GLIS3: variants seen among roughly 807,000 people sequenced by gnomAD.
GLIS3 encodes the protein GLIS family zinc finger 3.
In GLIS3, 53 loss-of-function variants were observed where a neutral mutation model predicts 78.6. The ratio of observed to expected loss-of-function variants is 0.67; its 90% CI spans 0.54 to 0.85. The LOEUF is 0.85. Among genes scored for constraint, GLIS3 ranks in the 40% least tolerant of loss-of-function variants. The probability of loss-of-function intolerance (pLI) is 0.00; values close to 1 mark genes in which losing one functional copy is unlikely to be tolerated. For missense variants in GLIS3, 1,703 were observed against 1,231.1 expected (o/e 1.38, Z -5.74); for synonymous variants, 684 against 509.9 (o/e 1.34, Z -4.60).
chr9:4,254,380 A>G (rs1418951054), intron 2 of GLIS3, among the ~76,000 whole-genome samples: 1 of 152,234 alleles, frequency 6.6e-6, no homozygotes, highest in East Asian at 1.9e-4. Context: ...GAATTTTTTA[A>G]AAGACTGAAT....
At position 4,292,180 on chromosome 9, in the gene GLIS3, A is replaced by G. The variant is rs191184495; in HGVS notation, c.-98-5657T>C. Among the ~76,000 whole-genome samples, 151 of 152,290 alleles carry G rather than the reference A, an allele frequency of 9.9e-4. 3 individuals carry two copies. The highest frequency in any genetic ancestry group is 1.9e-4 in the Non-Finnish European group (13 of 67,984). On this transcript the variant is annotated intron_variant, in intron 1 of 10. Transcript: ENST00000381971. Reference sequence around the variant, plus strand: ...ATTCATTTTAAAGTAGTGTTTTTCAAACTGGATTGCAATTCATTGGTGGTC... The same window carrying G: ...ATTCATTTTAAAGTAGTGTTTTTCAGACTGGATTGCAATTCATTGGTGGTC...
the GLIS3 span, among the ~76,000 whole-genome samples, chr9:4,435,841 T>A: frequency 2.6e-5 from 4 of 151,970 alleles, no homozygotes; most frequent in Non-Finnish European, 4.4e-5. Context: ...CCCAGCTACT[T>A]GGGAGGCTGA....
intron 4 of GLIS3, among the ~76,000 whole-genome samples, chr9:4,065,820 A>C (rs1162481270): frequency 6.6e-6 from 1 of 152,204 alleles, no homozygotes; most frequent in Admixed American, 6.5e-5. Context: ...AGTATATTTT[A>C]GCCCTGAGAT....
At chr9:4,229,762 A>T (rs1366379857) in intron 2 of GLIS3, among the ~76,000 whole-genome samples, 1 of 152,260 alleles carries the variant, frequency 6.6e-6, no homozygotes, top group Non-Finnish European at 1.5e-5. Flanking sequence ...TTTATAACAC[A>T]TATAAAAGCT....
rs747345851 is a variant in GLIS3 at position 4,167,742 on chromosome 9, C to T, written c.389-41801G>A. Among the ~76,000 whole-genome samples the T allele has an allele frequency of 2.0e-5, 3 of 152,340 alleles. 1 individual carries two copies. In the Middle Eastern group the frequency reaches 0.01, roughly 518 times the overall value. ...ACTCACGTTCCTTTCACTGAACTTT[C>T]ACTGCCTTTCATATACTTTTCTGCA... On this transcript the variant is annotated intron_variant, in intron 2 of 10. Transcript: ENST00000381971.
chr9:4,316,775 A>C (rs571546166), intron 2 of GLIS3, among the ~76,000 whole-genome samples: 5 of 152,342 alleles, frequency 3.3e-5, no homozygotes, highest in African/African-American at 1.2e-4. Context: ...AAGCTGGTAC[A>C]TAATTATCTT....
chr9:4,364,416 T>C, the GLIS3 span, among the ~76,000 whole-genome samples: 9 of 152,254 alleles, frequency 5.9e-5, no homozygotes, highest in East Asian at 9.6e-4. Context: ...GTTTCATTAA[T>C]AGGAAATTGG....
rs201132217 is a variant in GLIS3 at position 3,828,387 on chromosome 9, G to T, written c.2678C>A (p.Ser893Tyr). The T allele has an allele frequency of 6.2e-7, 1 of 1,613,364 alleles. No individual in the cohort carries two copies. The change falls in exon 11 of 11, where the codon TCC becomes TAC. Residue 893 changes from serine to tyrosine, a missense_variant. Coordinates refer to ENST00000381971, the MANE Select transcript of GLIS3 (RefSeq NM_001042413.2). The part of the protein sequence containing the change: ...GITVYDLPSS[S>Y]SSLFGESLRS... ...GAGAGACTCCCCAAAGAGGCTCGAG[G>T]AACTTGAAGGTAAATCATACACTGG...
upstream of GLIS3, among the ~76,000 whole-genome samples, chr9:4,302,876 T>A (rs1315863939): frequency 6.6e-6 from 1 of 152,146 alleles, no homozygotes; most frequent in African/African-American, 2.4e-5. Context: ...ATGGAGTAGC[T>A]TGGCTGTTTG....
intron 2 of GLIS3, among the ~76,000 whole-genome samples, chr9:4,342,063 T>C (rs1441548996): frequency 6.6e-6 from 1 of 152,206 alleles, no homozygotes; most frequent in Non-Finnish European, 1.5e-5. Flanking sequence ...GTTTAATCTG[T>C]GGATAGTTTC....
At chr9:3,930,596 G>A (rs1825552270) in intron 6 of GLIS3, among the ~76,000 whole-genome samples, 1 of 152,084 alleles carries the variant, frequency 6.6e-6, no homozygotes, top group Non-Finnish European at 1.5e-5. Context: ...AATATCCCCT[G>A]TTATGTTTCC....
chr9:4,379,066 A>T, the GLIS3 span, among the ~76,000 whole-genome samples: 2 of 152,188 alleles, frequency 1.3e-5, no homozygotes. Context: ...TTTCTTGCCT[A>T]ACCTGCAGCC....
intron 2 of GLIS3, among the ~76,000 whole-genome samples, chr9:4,274,195 C>T (rs1270205769): frequency 1.3e-5 from 2 of 152,164 alleles, no homozygotes; most frequent in Non-Finnish European, 2.9e-5. Context: ...CATGTTGTTT[C>T]CCTACAGCAA....
At chr9:4,106,553 T>C (rs1032824263) in intron 4 of GLIS3, among the ~76,000 whole-genome samples, 6 of 151,990 alleles carry the variant, frequency 3.9e-5, no homozygotes, top group East Asian at 3.9e-4. Context: ...AATATATTTA[T>C]GGAAATGGAC....
the GLIS3 span, among the ~76,000 whole-genome samples, chr9:4,356,404 G>A: frequency 1.3e-5 from 2 of 152,146 alleles, no homozygotes; most frequent in Non-Finnish European, 2.9e-5. Flanking sequence ...ATTGAGCCCT[G>A]GTATGAGAAT....
At chr9:3,876,281 A>G (rs1821300605) in intron 8 of GLIS3, among the ~76,000 whole-genome samples, 1 of 150,284 alleles carries the variant, frequency 6.7e-6, no homozygotes, top group Non-Finnish European at 1.5e-5. Flanking sequence ...TAACAATAAA[A>G]AGCTGGAGAA....
At chr9:4,462,620 C>G in the GLIS3 span, among the ~76,000 whole-genome samples, 174 of 142,504 alleles carry the variant, frequency 1.2e-3, no homozygotes, top group South Asian at 7.0e-3. Context: ...CACACACACA[C>G]ACACACACAC....
chr9:4,401,413 C>A, the GLIS3 span, among the ~76,000 whole-genome samples: 1 of 151,472 alleles, frequency 6.6e-6, no homozygotes, highest in Admixed American at 6.6e-5. Context: ...GCTTAAGCCA[C>A]CACGCCCAGC....
the GLIS3 span, among the ~76,000 whole-genome samples, chr9:4,451,565 C>T: frequency 5.9e-5 from 9 of 152,280 alleles, no homozygotes; most frequent in South Asian, 1.5e-3. Flanking sequence ...AGCACTACAT[C>T]GCACTTACCC....
Sources: gnomAD v4.1 joint callset for allele counts (sites outside exome capture counted in the v4.1 genomes callset) on GRCh38, gnomAD v4.1.1 for gene constraint, MANE v1.5 for transcripts, NCBI Gene and HGNC (gene_info 2026-07-23, HGNC 2026-07-21) for gene names.